The following RNF182 variants were observed in gnomAD, a reference collection of about 807,000 sequenced individuals.
RNF182 encodes ring finger protein 182, also known as E3 ubiquitin-protein ligase RNF182.
Under a neutral mutation model 14.4 loss-of-function variants are expected in RNF182, and 15 were observed. That is an observed-to-expected ratio of 1.04 (90% CI 0.70 to 1.60). The LOEUF (loss-of-function observed/expected upper bound fraction) is 1.60. Ranked by LOEUF, RNF182 falls within the 40% of genes most tolerant of loss-of-function variation. RNF182 has a pLI of 0.00. For synonymous variants in RNF182, 128 were observed against 122.9 expected, an observed-to-expected ratio of 1.04 and a Z score of -0.27; for missense variants, 268 against 294.8, an observed-to-expected ratio of 0.91 and a Z score of 0.67.
At chr6:13,934,646 T>G (rs568153309) in intron 1 of RNF182, among the ~76,000 whole-genome samples, 1 of 152,366 alleles carries the variant, frequency 6.6e-6, no homozygotes, top group South Asian at 2.1e-4. Flanking sequence ...AAGACTGAAC[T>G]GTGATCCACG....
chr6:13,956,363 C>A (rs1169043579), intron 1 of RNF182, among the ~76,000 whole-genome samples: 1 of 150,608 alleles, frequency 6.6e-6, no homozygotes, highest in Non-Finnish European at 1.5e-5. Flanking sequence ...TTGCTCCCAT[C>A]ATCCAGGCTG....
intron 1 of RNF182, among the ~76,000 whole-genome samples, chr6:13,930,355 G>A (rs1283267007): frequency 6.6e-6 from 1 of 152,078 alleles, no homozygotes; most frequent in South Asian, 2.1e-4. Flanking sequence ...GATATTGAGG[G>A]GTGACTACAT....
intron 1 of RNF182, among the ~76,000 whole-genome samples, chr6:13,946,300 G>A (rs1041542393): frequency 5.9e-5 from 9 of 151,860 alleles, no homozygotes; most frequent in Admixed American, 4.6e-4. Context: ...CTGAGCAGCT[G>A]GAACTACAGG....
chr6:13,968,567 A>G (rs1419879526), intron 1 of RNF182, among the ~76,000 whole-genome samples: 3 of 152,228 alleles, frequency 2.0e-5, no homozygotes, highest in African/African-American at 7.2e-5. Flanking sequence ...ATAAGCATAC[A>G]GTTAATACCA....
At chr6:13,935,807 T>C (rs144210316) in intron 1 of RNF182, among the ~76,000 whole-genome samples, 1 of 152,348 alleles carries the variant, frequency 6.6e-6, no homozygotes, top group African/African-American at 2.4e-5. Flanking sequence ...CATCACTTAT[T>C]ATAATGGGGC....
intron 1 of RNF182, among the ~76,000 whole-genome samples, chr6:13,969,101 G>GTTTTTT (rs540738775): frequency 9.6e-5 from 13 of 135,770 alleles, no homozygotes; most frequent in African/African-American, 3.4e-4. Flanking sequence ...GCTTGTCTCT[G>GTTTTTT]TTTTTTGTTG....
intron 1 of RNF182, among the ~76,000 whole-genome samples, chr6:13,954,925 A>G (rs1759689639): frequency 2.0e-5 from 3 of 152,206 alleles, no homozygotes; most frequent in African/African-American, 7.2e-5. Flanking sequence ...GCTGCATGGC[A>G]TCAGGAGGCA....
intron 1 of RNF182, among the ~76,000 whole-genome samples, chr6:13,966,451 TTGTC>T (rs1223606661): frequency 6.6e-6 from 1 of 152,062 alleles, no homozygotes; most frequent in Non-Finnish European, 1.5e-5. Flanking sequence ...AATTGGAAAA[TTGTC>T]AGACTGAGTT....
chr6:13,945,565 A>AC (rs1759417089), intron 1 of RNF182, among the ~76,000 whole-genome samples: 1 of 152,170 alleles, frequency 6.6e-6, no homozygotes, highest in Non-Finnish European at 1.5e-5. Context: ...CAACAAAACA[A>AC]CCAACATGGA....
At chr6:13,976,561 C>T (rs911525902) in intron 2 of RNF182, among the ~76,000 whole-genome samples, 10 of 152,144 alleles carry the variant, frequency 6.6e-5, no homozygotes, top group African/African-American at 2.2e-4. Context: ...GATACATGTC[C>T]CATTCTGTTT....
Position 13,960,513 on chromosome 6 carries a change from C to T in RNF182, c.-366-13697C>T, listed in dbSNP as rs564696953. Among the ~76,000 whole-genome samples the T allele has an allele frequency of 2.6e-5, 4 of 152,214 alleles. No individual in the cohort carries two copies. The East Asian group carries it at 7.8e-4, about 29-fold the overall frequency. On this transcript the variant is annotated intron_variant, in intron 1 of 2. Coordinates refer to ENST00000488300, the MANE Select transcript of RNF182 (RefSeq NM_152737.4). ...ACAAACACAAACAAAAAACCAAACC[C>T]AACTGTTACTCTTTTAAGTGAATTC...
In RNF182 at chr6:13,976,998, T is replaced by G; in HGVS notation, c.-122T>G. 3 of 1,064,892 alleles carry G rather than the reference T, an allele frequency of 2.8e-6. No individual in the cohort carries two copies. Among genetic ancestry groups the G allele is most frequent in the Non-Finnish European group, 2.7e-6 (2 of 732,954 alleles). The allele number at this position is 1,064,892 out of a possible 1,614,324, so 66.0% of individuals were successfully genotyped here. A position where few individuals can be genotyped will look rare whatever the true frequency, so the allele number is the denominator to read the frequency against. On this transcript the variant is annotated 5_prime_UTR_variant, in exon 3 of 3. Coordinates refer to ENST00000488300, the MANE Select transcript of RNF182 (RefSeq NM_152737.4). Reference sequence around the variant, plus strand: ...CTGGAAGATTTCTGGTTTCTTTCACTACTTATCCTGCCTTTTTGCATCGCT... The same window carrying G: ...CTGGAAGATTTCTGGTTTCTTTCACGACTTATCCTGCCTTTTTGCATCGCT...
rs745994765 is a variant in RNF182, at chr6:13,977,454, C to G, written c.335C>G (p.Pro112Arg). 1 of 1,614,170 alleles carries G rather than the reference C, an allele frequency of 6.2e-7. No individual in the cohort carries two copies. The highest frequency in any genetic ancestry group is 8.5e-7 in the Non-Finnish European group (1 of 1,180,024). Residue 112 changes from proline to arginine, a missense_variant, in exon 3 of 3, where the codon CCC becomes CGC. Physicochemically the swap from Pro to Arg is moderately radical, Grantham distance 103. Coordinates refer to ENST00000488300, the MANE Select transcript of RNF182 (RefSeq NM_152737.4). The stretch of plus-strand genomic sequence containing the variant: ...AACCCTACTGAGCTGCTGCTCACCC[C>G]CAAGAGGCTGGCCTCTCTGGTCAGT... ...PENPTELLLTPKRLASLVSPS... is the reference protein window; with the variant it reads ...PENPTELLLTRKRLASLVSPS...
chr6:13,949,554 C>A, intron 1 of RNF182: 1 of 479,408 alleles, frequency 2.1e-6, no homozygotes, highest in Non-Finnish European at 3.8e-6. Flanking sequence ...TGCAGTAAAA[C>A]CCAGAGTGAA....
At chr6:13,967,214 C>T (rs1002099510) in intron 1 of RNF182, among the ~76,000 whole-genome samples, 30 of 151,742 alleles carry the variant, frequency 2.0e-4, no homozygotes, top group African/African-American at 7.3e-4. Flanking sequence ...CAGGCAAATG[C>T]GGAGTCAATA....
At chr6:13,953,487 T>G (rs1325543645) in intron 1 of RNF182, among the ~76,000 whole-genome samples, 1 of 152,056 alleles carries the variant, frequency 6.6e-6, no homozygotes, top group African/African-American at 2.4e-5. Context: ...TCAGGGTAGT[T>G]ATCACAGAAG....
At chr6:13,960,396 C>T (rs140826586) in intron 1 of RNF182, among the ~76,000 whole-genome samples, 442 of 152,236 alleles carry the variant, frequency 2.9e-3, no homozygotes, top group Non-Finnish European at 4.7e-3. Context: ...AATCCCAGCA[C>T]GTTGGGAGGC....
At chr6:13,959,158 CAA>C (rs1196594959) in intron 1 of RNF182, among the ~76,000 whole-genome samples, 4 of 152,182 alleles carry the variant, frequency 2.6e-5, no homozygotes, top group African/African-American at 9.6e-5. Context: ...TACCCAGCGT[CAA>C]GGTATTCCTT....
intron 1 of RNF182, among the ~76,000 whole-genome samples, chr6:13,930,131 TATTCC>T (rs370079530): frequency 6.6e-6 from 1 of 151,992 alleles, no homozygotes; most frequent in East Asian, 1.9e-4. Flanking sequence ...ATTTGGAAAA[TATTCC>T]AAAAAATAAT....
Sources: gnomAD v4.1 joint callset for allele counts (sites outside exome capture counted in the v4.1 genomes callset) on GRCh38, gnomAD v4.1.1 for gene constraint, MANE v1.5 for transcripts, NCBI Gene and HGNC (gene_info 2026-07-23, HGNC 2026-07-21) for gene names.